Variants in TMEM232 observed in about 807,000 individuals in gnomAD.
TMEM232 encodes the protein transmembrane protein 232.
A neutral mutation model predicts 78.8 loss-of-function variants in TMEM232; 80 were observed. The ratio of observed to expected loss-of-function variants is 1.01; its 90% CI spans 0.85 to 1.22. TMEM232 has a LOEUF of 1.22. Among genes scored for constraint, TMEM232 ranks in the 50% most tolerant of loss-of-function variants. TMEM232 has a pLI of 0.00. For synonymous variants in TMEM232, 297 were observed against 254.3 expected (o/e 1.17, Z -1.60); for missense variants, 881 against 742.2 (o/e 1.19, Z -2.17).
chr5:110,588,846 A>C (rs1194628036), intron 10 of TMEM232, among the ~76,000 whole-genome samples: 1 of 152,072 alleles, frequency 6.6e-6, no homozygotes, highest in Non-Finnish European at 1.5e-5. Flanking sequence ...GATTGAGAAG[A>C]CTTAGTACTC....
At chr5:110,482,446 T>C (rs1357195955) in intron 12 of TMEM232, among the ~76,000 whole-genome samples, 2 of 151,824 alleles carry the variant, frequency 1.3e-5, no homozygotes, top group Admixed American at 6.6e-5. Context: ...CCAGGCGTGG[T>C]GGTGGGTGCT....
At chr5:110,398,296 T>C (rs1755468297) in intron 2 of TMEM232, among the ~76,000 whole-genome samples, 1 of 152,118 alleles carries the variant, frequency 6.6e-6, no homozygotes, top group Non-Finnish European at 1.5e-5. Context: ...ATAACAAACC[T>C]CTACAAAAGA....
At chr5:110,578,660 C>T (rs1777833387) in intron 10 of TMEM232, among the ~76,000 whole-genome samples, 1 of 151,844 alleles carries the variant, frequency 6.6e-6, no homozygotes, top group South Asian at 2.1e-4. Flanking sequence ...AATTCTTCTA[C>T]TCAGTAACCA....
intron 1 of TMEM232, among the ~76,000 whole-genome samples, chr5:110,675,201 T>C (rs1791874454): frequency 6.6e-6 from 1 of 152,028 alleles, no homozygotes; most frequent in Middle Eastern, 3.2e-3. Context: ...CACGTCACCA[T>C]GCCCAGCTAG....
At chr5:110,633,800 C>T (rs935115725) in intron 5 of TMEM232, among the ~76,000 whole-genome samples, 2 of 152,178 alleles carry the variant, frequency 1.3e-5, no homozygotes, top group South Asian at 4.1e-4. Context: ...TGGACTAATA[C>T]AAACCAGAAA....
chr5:110,644,768 ATAAAT>A (rs998940931), intron 2 of TMEM232, among the ~76,000 whole-genome samples: 6 of 151,730 alleles, frequency 4.0e-5, no homozygotes, highest in Admixed American at 2.6e-4. Flanking sequence ...AGAAGTAGAA[ATAAAT>A]TAAAGAATAA....
chr5:110,546,187 T>A lies in TMEM232; in HGVS notation c.1456-17352A>T, dbSNP rs186383098. ...GAACAAATATAATAAGAGTTACAGA[T>A]GATAAAATGTTATCATGGATAAAAA... On this transcript the variant is annotated intron_variant, in intron 11 of 13. Transcript: ENST00000455884. 1.7e-3 allele frequency among the ~76,000 whole-genome samples: 263 copies of A among 152,126 alleles called. 1 individual carries two copies. Among genetic ancestry groups the A allele is most frequent in the African/African-American group, 6.0e-3 (249 of 41,538 alleles).
chr5:110,631,368 C>T (rs577556448), intron 5 of TMEM232, among the ~76,000 whole-genome samples: 1 of 152,234 alleles, frequency 6.6e-6, no homozygotes, highest in Admixed American at 6.5e-5. Flanking sequence ...AGAGAGAGAT[C>T]CCATTCACAC....
At chr5:110,509,092 TAC>T (rs1235712150) in intron 12 of TMEM232, among the ~76,000 whole-genome samples, 1 of 148,244 alleles carries the variant, frequency 6.7e-6, no homozygotes, top group South Asian at 2.1e-4. Context: ...TATATATGTA[TAC>T]ACACACATAT....
chr5:110,682,816 A>G (rs1475755291), intron 1 of TMEM232, among the ~76,000 whole-genome samples: 4 of 152,140 alleles, frequency 2.6e-5, no homozygotes, highest in Non-Finnish European at 5.9e-5. Flanking sequence ...CCTCCATGGT[A>G]TCTGACCCTG....
chr5:110,445,133 TTTC>T (rs1759505761), intron 12 of TMEM232, among the ~76,000 whole-genome samples: 1 of 152,006 alleles, frequency 6.6e-6, no homozygotes, highest in African/African-American at 2.4e-5. Context: ...TGGACATTTT[TTTC>T]TTCTTTTTCT....
chr5:110,623,196 C>T lies in TMEM232; in HGVS notation c.768+2071G>A, dbSNP rs942770234. 6.7e-5 allele frequency among the ~76,000 whole-genome samples: 10 copies of T among 149,768 alleles called. No homozygotes were observed. In the East Asian group the frequency reaches 7.7e-4, roughly 12 times the overall value. ...AAGAGAAATGGGGTCCAACAGCAGA[C>T]GAAAGGAAATTTCCTATTCTTAAGT... On this transcript the variant is annotated intron_variant, in intron 7 of 13. Transcript: ENST00000455884.
At chr5:110,624,837 T>G (rs1784208806) in intron 7 of TMEM232, among the ~76,000 whole-genome samples, 1 of 152,084 alleles carries the variant, frequency 6.6e-6, no homozygotes, top group Admixed American at 6.6e-5. Context: ...TTCCTCAAAT[T>G]TCCTTAGGTG....
intron 11 of TMEM232, among the ~76,000 whole-genome samples, chr5:110,566,639 T>A (rs1315571783): frequency 2.0e-5 from 3 of 151,974 alleles, no homozygotes. Flanking sequence ...AGTCTGGACT[T>A]CATTGTCCAC....
chr5:110,578,618 T>G (rs1358661596), intron 10 of TMEM232, among the ~76,000 whole-genome samples: 1 of 151,884 alleles, frequency 6.6e-6, no homozygotes, highest in African/African-American at 2.4e-5. Flanking sequence ...ACCTAAATAT[T>G]TCCTACTTCA....
intron 2 of TMEM232, among the ~76,000 whole-genome samples, chr5:110,664,970 C>G (rs149193101): frequency 0.012 from 1,779 of 152,212 alleles, 43 homozygotes; most frequent in African/African-American, 0.04. Context: ...ATATATGTTA[C>G]TATCTGGTTT....
At chr5:110,596,555 C>G (rs1370068971) in intron 10 of TMEM232, among the ~76,000 whole-genome samples, 1 of 152,094 alleles carries the variant, frequency 6.6e-6, no homozygotes, top group African/African-American at 2.4e-5. Context: ...GGCAGAGACA[C>G]CACAAATAAA....
chr5:110,442,649 A>C (rs1419163834), intron 12 of TMEM232, among the ~76,000 whole-genome samples: 1 of 151,990 alleles, frequency 6.6e-6, no homozygotes, highest in Non-Finnish European at 1.5e-5. Context: ...TGTTTGCTGA[A>C]GTCACAGTTT....
chr5:110,687,522 G>A (rs1468836761), intron 1 of TMEM232, among the ~76,000 whole-genome samples: 2 of 151,922 alleles, frequency 1.3e-5, no homozygotes, highest in Non-Finnish European at 2.9e-5. Flanking sequence ...TTCAGACCCT[G>A]TAATACAACC....
Sources: gnomAD v4.1 joint callset for allele counts (sites outside exome capture counted in the v4.1 genomes callset) on GRCh38, gnomAD v4.1.1 for gene constraint, MANE v1.5 for transcripts, NCBI Gene and HGNC (gene_info 2026-07-23, HGNC 2026-07-21) for gene names.